UACA: variants seen among roughly 807,000 people sequenced by gnomAD.
The protein encoded by UACA is nuclear membrane binding protein.
In UACA, 112 loss-of-function variants were observed where a neutral mutation model predicts 160.5. The observed-to-expected ratio is 0.70, with a 90% CI of 0.60 to 0.82. The LOEUF is 0.82. Ranked by LOEUF, UACA falls within the 40% of genes least tolerant of loss-of-function variation. The pLI, the probability that UACA is intolerant of heterozygous loss-of-function variation, is 0.00. For missense variants in UACA, 1,574 were observed against 1,614.6 expected (o/e 0.97, Z 0.43); for synonymous variants, 557 against 568.4 (o/e 0.98, Z 0.29).
chr15:70,752,544 ATCTC>A (rs959130462), intron 1 of UACA, among the ~76,000 whole-genome samples: 3 of 145,570 alleles, frequency 2.1e-5, no homozygotes, highest in East Asian at 4.4e-4. Flanking sequence ...CCCACCACTT[ATCTC>A]TCTCTCTCTC....
chr15:70,775,638 A>G, the UACA span, among the ~76,000 whole-genome samples: 4 of 152,354 alleles, frequency 2.6e-5, no homozygotes, highest in South Asian at 4.1e-4. Flanking sequence ...CTTTTTTTCC[A>G]AAGTATTCAA....
intron 1 of UACA, among the ~76,000 whole-genome samples, chr15:70,722,346 C>T (rs1366604656): frequency 3.3e-5 from 5 of 150,396 alleles, no homozygotes; most frequent in African/African-American, 9.8e-5. Context: ...GAGACAGGAT[C>T]TCACTGTGTT....
At chr15:70,690,690 C>A (rs1897902892) in intron 4 of UACA, among the ~76,000 whole-genome samples, 179 bp from the exon 5 acceptor site, 1 of 151,966 alleles carries the variant, frequency 6.6e-6, no homozygotes, top group Non-Finnish European at 1.5e-5. Flanking sequence ...CATTATATAA[C>A]TAAATTAACA....
chr15:70,735,866 G>GGGTCTTGTTATGTTGCCAAGGCT (rs1899349392), intron 1 of UACA, among the ~76,000 whole-genome samples: 2 of 151,934 alleles, frequency 1.3e-5, no homozygotes, highest in Admixed American at 6.6e-5. Flanking sequence ...TGTAGAGACA[G>GGGTCTTGTTATGTTGCCAAGGCT]GGTCTTGTTA....
chr15:70,724,612 T>A (rs1452513256), intron 1 of UACA, among the ~76,000 whole-genome samples: 1 of 152,114 alleles, frequency 6.6e-6, no homozygotes, highest in Non-Finnish European at 1.5e-5. Context: ...TAACAATCAC[T>A]CGCTAAAAGG....
intron 13 of UACA, chr15:70,676,274 G>A: frequency 2.6e-6 from 1 of 388,924 alleles, no homozygotes. Flanking sequence ...TCAATTACAT[G>A]CTAGTCAATT....
At chr15:70,768,825 T>C in the UACA span, among the ~76,000 whole-genome samples, 7 of 152,202 alleles carry the variant, frequency 4.6e-5, no homozygotes, top group Non-Finnish European at 1.0e-4. Context: ...ACTTAAAATA[T>C]GGCAGATAAA....
rs756996963 is a variant in UACA, at chr15:70,664,802, GCAGTT to G, written c.3968_3972del (p.Glu1323AlafsTer2). 16 of 1,611,798 alleles carry G rather than the reference GCAGTT, an allele frequency of 9.9e-6. No individual in the cohort carries two copies. The highest frequency in any genetic ancestry group is 5.0e-5 in the Admixed American group (3 of 59,506). On this transcript the variant is annotated frameshift_variant, in exon 17 of 19. Transcript: ENST00000322954. LOFTEE classifies it high-confidence loss of function. ...TGTTTTAATCTTTCCACATCATTAA[GCAGTT>G]CAGTTATCTTTAAAAAAATGTTGTA...
chr15:70,687,628 C>T lies in UACA; in HGVS notation c.514G>A (p.Val172Ile). 1.2e-6 allele frequency: 2 copies of T among 1,613,916 alleles called. No individual in the cohort carries two copies. Among genetic ancestry groups the T allele is most frequent in the Non-Finnish European group, 1.7e-6 (2 of 1,179,834 alleles). The stretch of plus-strand genomic sequence containing the variant: ...GGCCTACTCATCTGAGTAGCCAGAA[C>T]AAGTGGTGTCCGCCCGTCCTAAGCA... ...AKDVDGRTPL[V>I]LATQMSRPTI... is the part of the protein sequence containing the mutation. Residue 172 changes from valine (V) to isoleucine (I), a missense_variant, in exon 7 of 19, where the codon GTT (valine) becomes ATT (isoleucine). Transcript: ENST00000322954.
chr15:70,775,528 A>G, the UACA span, among the ~76,000 whole-genome samples: 3 of 149,378 alleles, frequency 2.0e-5, no homozygotes, highest in African/African-American at 7.3e-5. Context: ...AACACCGGGC[A>G]TGAATTATGC....
intron 13 of UACA, among the ~76,000 whole-genome samples, chr15:70,675,251 T>C (rs1276263440): frequency 6.6e-6 from 1 of 152,212 alleles, no homozygotes; most frequent in Non-Finnish European, 1.5e-5. Flanking sequence ...GTCAGTGCTA[T>C]TAAAATATTA....
In UACA at chr15:70,763,554, T is replaced by C; in HGVS notation, c.-147A>G. On this transcript the variant is annotated 5_prime_UTR_variant, in exon 1 of 19. Transcript: ENST00000322954. ...ACCTGCGGGCCCCGGGCAGCAGACG[T>C]CGACAGGCCTGAGGCGGGGCTCCCC... 1 of 1,240,764 alleles carries C rather than the reference T, an allele frequency of 8.1e-7. No individual in the cohort carries two copies. The highest frequency in any genetic ancestry group is 1.0e-6 in the Non-Finnish European group (1 of 989,640). 76.9% of individuals were successfully genotyped at this position (1,240,764 alleles called of 1,614,324 possible).
At chr15:70,699,756 T>C (rs1898273317) in intron 1 of UACA, 96 bp from the exon 2 acceptor site, 1 of 1,335,516 alleles carries the variant, frequency 7.5e-7, no homozygotes, top group Non-Finnish European at 1.0e-6. Context: ...CAGTACTGCA[T>C]AATACATCAC....
In UACA at chr15:70,668,137, A is replaced by T; in HGVS notation, c.2547T>A (p.Thr849=). The T allele has an allele frequency of 6.2e-7, 1 of 1,613,624 alleles. No individual in the cohort carries two copies. The highest frequency in any genetic ancestry group is 8.5e-7 in the Non-Finnish European group (1 of 1,179,920). The change falls in exon 16 of 19, where the codon ACT becomes ACA. Residue 849 remains threonine (T), a synonymous_variant. Transcript: ENST00000322954. ...EKIHALTSEN[T]NLKKMMSNQY... is the part of the protein sequence containing the mutation. ...GATTACTCATCATCTTCTTCAAGTT[A>T]GTGTTTTCAGATGTGAGAGCGTGTA... is the stretch of plus-strand genomic sequence containing the variant.
chr15:70,671,299 G>T, intron 14 of UACA: 2 of 354,216 alleles, frequency 5.6e-6, no homozygotes, highest in Non-Finnish European at 1.0e-5. Flanking sequence ...CAGATACTAG[G>T]TTGGTTTTTT....
intron 1 of UACA, among the ~76,000 whole-genome samples, chr15:70,706,498 A>C (rs1334555444): frequency 1.3e-5 from 2 of 150,616 alleles, no homozygotes; most frequent in East Asian, 3.9e-4. Context: ...CTCTGTTCTC[A>C]AATGCAATGA....
intron 1 of UACA, among the ~76,000 whole-genome samples, chr15:70,748,671 C>T (rs535563945): frequency 6.6e-6 from 1 of 152,236 alleles, no homozygotes; most frequent in East Asian, 1.9e-4. Context: ...CCTGTTCATT[C>T]CCTAGAGATG....
chr15:70,778,704 G>A, the UACA span: 5 of 152,156 alleles, frequency 3.3e-5, no homozygotes, highest in African/African-American at 1.2e-4. Flanking sequence ...TTACAACATG[G>A]ACATCATTGC....
chr15:70,748,300 ATCTC>A (rs1388777838), intron 1 of UACA, among the ~76,000 whole-genome samples: 4 of 152,184 alleles, frequency 2.6e-5, no homozygotes, highest in African/African-American at 9.7e-5. Context: ...GAAATTGAGC[ATCTC>A]TCTAAGTGTA....
Sources: gnomAD v4.1 joint callset for allele counts (sites outside exome capture counted in the v4.1 genomes callset) on GRCh38, gnomAD v4.1.1 for gene constraint, MANE v1.5 for transcripts, NCBI Gene and HGNC (gene_info 2026-07-23, HGNC 2026-07-21) for gene names.